PBRM1: variants seen among roughly 807,000 people sequenced by gnomAD.
The protein encoded by PBRM1 is polybromo 1.
Under a neutral mutation model 194.5 loss-of-function variants are expected in PBRM1, and 27 were observed. The observed-to-expected ratio is 0.14, with a 90% CI of 0.10 to 0.19. The LOEUF is 0.19. Among genes scored for constraint, PBRM1 ranks in the 10% least tolerant of loss-of-function variants. The pLI, the probability that PBRM1 is intolerant of heterozygous loss-of-function variation, is 1.00. For missense variants in PBRM1, 1,466 were observed against 2,077.2 expected, an observed-to-expected ratio of 0.71 and a Z score of 5.72; for synonymous variants, 655 against 693.2, an observed-to-expected ratio of 0.94 and a Z score of 0.87.
At chr3:52,599,119 G>A (rs531048948) in intron 17 of PBRM1, among the ~76,000 whole-genome samples, 13 of 152,232 alleles carry the variant, frequency 8.5e-5, no homozygotes, top group African/African-American at 2.9e-4. Flanking sequence ...GAGCTCAGGA[G>A]GTTGAGGGTG....
chr3:52,555,331 GA>G (rs1559831110), intron 26 of PBRM1, among the ~76,000 whole-genome samples: 1 of 152,146 alleles, frequency 6.6e-6, no homozygotes, highest in Non-Finnish European at 1.5e-5. Flanking sequence ...GGAAGGGAGG[GA>G]AATGAGCGCA....
At chr3:52,668,414 C>T in intron 3 of PBRM1, 84 bp downstream of exon 4, 1 of 964,600 alleles carries the variant, frequency 1.0e-6, no homozygotes, top group Non-Finnish European at 1.5e-6. Flanking sequence ...TACTACTCAC[C>T]TGCCAGGTTT....
chr3:52,612,529 G>T (rs989942680), intron 15 of PBRM1, among the ~76,000 whole-genome samples: 1 of 152,132 alleles, frequency 6.6e-6, no homozygotes, highest in Non-Finnish European at 1.5e-5. Context: ...ACACTGTACA[G>T]GAAAGTGACC....
chr3:52,675,177 A>C (rs1410767271), intron 2 of PBRM1, among the ~76,000 whole-genome samples: 4 of 152,198 alleles, frequency 2.6e-5, no homozygotes, highest in African/African-American at 7.2e-5. Flanking sequence ...AAAGACATAC[A>C]AAGCCTGAGT....
intron 13 of PBRM1, among the ~76,000 whole-genome samples, chr3:52,623,895 T>G (rs2095360174): frequency 6.6e-6 from 1 of 152,230 alleles, no homozygotes; most frequent in South Asian, 2.1e-4. Flanking sequence ...ACATTATGAA[T>G]GATATGAAAG....
In PBRM1 at chr3:52,645,951, C is replaced by T. The variant is rs375637737; in HGVS notation, c.814-1162G>A. ...ACGGACAACTAACTCTACTTGTGTA[C>T]GCTGACCTAAAAATCAAAATACAGA... On this transcript the variant is annotated intron_variant, in intron 7 of 29. Transcript: ENST00000296302. 6.1e-4 allele frequency among the ~76,000 whole-genome samples: 93 copies of T among 152,126 alleles called. 1 individual carries two copies. The highest frequency in any genetic ancestry group is 3.4e-3 in the Middle Eastern group (1 of 294).
At chr3:52,672,054 G>C (rs1226753354) in intron 2 of PBRM1, among the ~76,000 whole-genome samples, 1 of 152,104 alleles carries the variant, frequency 6.6e-6, no homozygotes, top group African/African-American at 2.4e-5. Context: ...GTCCAAAATG[G>C]GTCTCACTGG....
At chr3:52,575,066 T>C (rs1034468058) in intron 22 of PBRM1, among the ~76,000 whole-genome samples, 2 of 152,026 alleles carry the variant, frequency 1.3e-5, no homozygotes, top group Non-Finnish European at 2.9e-5. Flanking sequence ...CACACCTGGA[T>C]AATTTCTGTA....
chr3:52,586,784 C>T (rs990212269), intron 19 of PBRM1, 96 bp from the exon 22 acceptor site: 15 of 879,308 alleles, frequency 1.7e-5, no homozygotes, highest in Non-Finnish European at 2.6e-5. Context: ...AACCAACCAA[C>T]CAAACAAAAG....
At chr3:52,597,017 G>T (rs1204666843) in intron 17 of PBRM1, among the ~76,000 whole-genome samples, 1 of 152,098 alleles carries the variant, frequency 6.6e-6, no homozygotes, top group African/African-American at 2.4e-5. Flanking sequence ...CAATTGTCCA[G>T]TCCACTGGGC....
intron 3 of PBRM1, among the ~76,000 whole-genome samples, chr3:52,664,350 T>C (rs529142107): frequency 1.5e-5 from 2 of 131,936 alleles, no homozygotes; most frequent in South Asian, 4.6e-4. Context: ...AAAATTAAAA[T>C]GCAAATACTA....
intron 2 of PBRM1, 62 bp downstream of exon 3, chr3:52,678,438 T>C (rs1221339296): frequency 1.8e-6 from 2 of 1,099,840 alleles, no homozygotes; most frequent in Non-Finnish European, 2.8e-6. Flanking sequence ...TTCCAAACAC[T>C]TTAATACACA....
chr3:52,585,914 T>TA (rs1372987347), intron 20 of PBRM1: 1 of 152,124 alleles, frequency 6.6e-6, no homozygotes, highest in Non-Finnish European at 1.5e-5. Flanking sequence ...GTCAAATAAT[T>TA]AGCTCTTAGA....
chr3:52,602,992 C>A (rs1056212354), intron 17 of PBRM1, among the ~76,000 whole-genome samples: 6 of 152,190 alleles, frequency 3.9e-5, no homozygotes, highest in South Asian at 2.1e-4. Flanking sequence ...AATTTGTAAT[C>A]ATAAGGTCCT....
At chr3:52,592,249 G>A (rs1335084913) in intron 17 of PBRM1, among the ~76,000 whole-genome samples, 6 of 150,828 alleles carry the variant, frequency 4.0e-5, no homozygotes, top group Admixed American at 2.7e-4. Flanking sequence ...CTCCTGCCTC[G>A]GCCTCTCGAA....
exon 17 of PBRM1, chr3:52,603,682 A>G: frequency 6.2e-7 from 1 of 1,612,008 alleles, no homozygotes; most frequent in Non-Finnish European, 8.5e-7. Context: ...ACGAATTTTA[A>G]TAAAAAACTG....
intron 2 of PBRM1, among the ~76,000 whole-genome samples, chr3:52,676,334 G>A (rs1395374424): frequency 2.6e-5 from 4 of 152,098 alleles, no homozygotes; most frequent in Non-Finnish European, 5.9e-5. Context: ...TGTTGTGGGA[G>A]GGACCCAGAG....
chr3:52,657,511 C>G (rs1181625348), intron 5 of PBRM1, among the ~76,000 whole-genome samples: 1 of 152,032 alleles, frequency 6.6e-6, no homozygotes, highest in Non-Finnish European at 1.5e-5. Context: ...GCTCTGTCAC[C>G]CAGGCTGGAG....
upstream of PBRM1, among the ~76,000 whole-genome samples, chr3:52,684,167 CAAAAAAAA>C (rs66702174): frequency 2.6e-5 from 2 of 75,716 alleles, no homozygotes; most frequent in African/African-American, 5.6e-5. Context: ...GACCTTGTCT[CAAAAAAAA>C]AAAAAAAAAA....
Sources: gnomAD v4.1 joint callset for allele counts (sites outside exome capture counted in the v4.1 genomes callset) on GRCh38, gnomAD v4.1.1 for gene constraint, MANE v1.5 for transcripts, NCBI Gene and HGNC (gene_info 2026-07-23, HGNC 2026-07-21) for gene names.